The following WWOX variants were observed in gnomAD, a reference collection of about 807,000 sequenced individuals.
WWOX encodes WW domain containing oxidoreductase, also known as WW domain-containing oxidoreductase.
A neutral mutation model predicts 46.2 loss-of-function variants in WWOX; 69 were observed. That is an observed-to-expected ratio of 1.49 (90% CI 1.23 to 1.82). The LOEUF (loss-of-function observed/expected upper bound fraction) is 1.82, where lower values mean the gene tolerates loss of function less well. Among genes scored for constraint, WWOX ranks in the 40% most tolerant of loss-of-function variants. The pLI, the probability that WWOX is intolerant of heterozygous loss-of-function variation, is 0.00. For synonymous variants in WWOX, 359 were observed against 202.6 expected, an observed-to-expected ratio of 1.77 and a Z score of -6.56; for missense variants, 919 against 542.6, an observed-to-expected ratio of 1.69 and a Z score of -6.89.
intron 8 of WWOX, among the ~76,000 whole-genome samples, chr16:79,161,845 T>C (rs1293508616): frequency 1.3e-5 from 2 of 152,174 alleles, no homozygotes; most frequent in Non-Finnish European, 2.9e-5. Context: ...AAGAAATGCT[T>C]TTTCTGTCAC....
intron 5 of WWOX, among the ~76,000 whole-genome samples, chr16:78,195,863 T>A (rs988582058): frequency 2.0e-5 from 3 of 150,140 alleles, no homozygotes; most frequent in African/African-American, 7.3e-5. Flanking sequence ...ATTGAACATG[T>A]GGAATATGAG....
chr16:78,357,434 T>A (rs1567521688), intron 5 of WWOX, among the ~76,000 whole-genome samples: 1 of 152,232 alleles, frequency 6.6e-6, no homozygotes, highest in Non-Finnish European at 1.5e-5. Context: ...TTTTGGTTCA[T>A]TCAATCAATG....
intron 8 of WWOX, among the ~76,000 whole-genome samples, chr16:78,575,829 C>T (rs571519025): frequency 3.9e-5 from 6 of 152,006 alleles, no homozygotes; most frequent in East Asian, 1.9e-4. Flanking sequence ...ATGGAAAATG[C>T]CTAGATAAAT....
At chr16:79,181,817 G>A (rs906009352) in intron 8 of WWOX, among the ~76,000 whole-genome samples, 1 of 152,140 alleles carries the variant, frequency 6.6e-6, no homozygotes, top group African/African-American at 2.4e-5. Flanking sequence ...TGCAGGTTTA[G>A]GCTGCATGTT....
chr16:78,363,288 T>G (rs1300023699), intron 5 of WWOX, among the ~76,000 whole-genome samples: 1 of 151,892 alleles, frequency 6.6e-6, no homozygotes, highest in Non-Finnish European at 1.5e-5. Flanking sequence ...GAGGGCTTTT[T>G]TTTTTGACGG....
chr16:78,388,829 C>T (rs930234374), intron 6 of WWOX, among the ~76,000 whole-genome samples: 2 of 149,658 alleles, frequency 1.3e-5, no homozygotes, highest in African/African-American at 4.9e-5. Flanking sequence ...ATTAACTGGG[C>T]GGGGAGGCAC....
At chr16:78,475,659 G>A (rs2084333396) in intron 8 of WWOX, among the ~76,000 whole-genome samples, 1 of 152,144 alleles carries the variant, frequency 6.6e-6, no homozygotes, top group East Asian at 1.9e-4. Context: ...GCAGTGACAT[G>A]ATCTCGGCTC....
rs550789514 is a variant in WWOX, at chr16:78,653,874, G to T, written c.1056+221122G>T. Among the ~76,000 whole-genome samples the T allele has an allele frequency of 2.0e-5, 3 of 152,304 alleles. No individual in the cohort carries two copies. The East Asian group carries it at 5.8e-4, about 29-fold the overall frequency. On this transcript the variant is annotated intron_variant, in intron 8 of 8. Coordinates refer to ENST00000566780, the MANE Select transcript of WWOX (RefSeq NM_016373.4). ...ATATTTTGAGTTGGGTTTGAATCAC[G>T]TTGTCTATTACATGCAGCAGGACAC...
At position 78,943,341 on chromosome 16, in the gene WWOX, G is replaced by A. The variant is rs184251594; in HGVS notation, c.1057-268267G>A. Among the ~76,000 whole-genome samples, 59 of 152,210 alleles carry A rather than the reference G, an allele frequency of 3.9e-4. 1 individual carries two copies. Among genetic ancestry groups the A allele is most frequent in the African/African-American group, 1.3e-3 (53 of 41,544 alleles). On this transcript the variant is annotated intron_variant, in intron 8 of 8. Coordinates refer to ENST00000566780, the MANE Select transcript of WWOX (RefSeq NM_016373.4). ...AGCAACCCGAGATCCAAACCCTTTG[G>A]CATTCAAGATTACACTCTTATTCAC...
At chr16:78,548,833 G>C (rs962994051) in intron 8 of WWOX, among the ~76,000 whole-genome samples, 1 of 152,092 alleles carries the variant, frequency 6.6e-6, no homozygotes, top group East Asian at 1.9e-4. Context: ...GCTGCAGCCC[G>C]TTAACTGGTC....
chr16:78,543,090 C>T (rs535293452), intron 8 of WWOX, among the ~76,000 whole-genome samples: 54 of 152,346 alleles, frequency 3.5e-4, no homozygotes, highest in Admixed American at 2.9e-3. Context: ...ATTTCTTGCT[C>T]ATACGACATG....
intron 8 of WWOX, among the ~76,000 whole-genome samples, chr16:78,467,665 G>C (rs568939228): frequency 2.6e-5 from 4 of 152,190 alleles, no homozygotes; most frequent in Non-Finnish European, 5.9e-5. Context: ...AGAGTAGAAA[G>C]AGATAAAGCT....
intron 5 of WWOX, among the ~76,000 whole-genome samples, chr16:78,166,251 T>C (rs752145339): frequency 1.3e-5 from 2 of 152,182 alleles, no homozygotes; most frequent in Non-Finnish European, 2.9e-5. Flanking sequence ...CTGTATAATA[T>C]TCCATCATGT....
At chr16:78,841,381 C>G (rs946218036) in intron 8 of WWOX, among the ~76,000 whole-genome samples, 5 of 152,170 alleles carry the variant, frequency 3.3e-5, no homozygotes, top group Admixed American at 6.5e-5. Flanking sequence ...TAGCGAGCAG[C>G]TCATGAGAGC....
chr16:79,210,457 C>G (rs564825286), intron 8 of WWOX, among the ~76,000 whole-genome samples: 64 of 152,256 alleles, frequency 4.2e-4, no homozygotes, highest in African/African-American at 1.5e-3. Flanking sequence ...AAATGATAAG[C>G]TTTGGGTCGG....
intron 8 of WWOX, among the ~76,000 whole-genome samples, chr16:78,758,888 C>T (rs1373300516): frequency 1.3e-5 from 2 of 150,490 alleles, no homozygotes; most frequent in African/African-American, 2.4e-5. Flanking sequence ...AGAGAATCTT[C>T]TTCCCAAGCC....
At chr16:78,981,968 A>C (rs56736386) in intron 8 of WWOX, 3,167 of 152,262 alleles carry the variant, frequency 0.021, 96 homozygotes, top group South Asian at 0.078. Flanking sequence ...CCCTCCCAGA[A>C]CATTGAAGGC....
intron 8 of WWOX, among the ~76,000 whole-genome samples, chr16:78,646,799 A>C (rs148037516): frequency 1.1e-4 from 17 of 152,308 alleles, no homozygotes; most frequent in African/African-American, 4.1e-4. Flanking sequence ...CTCTGAAGTC[A>C]GGGACCATGC....
At chr16:78,120,366 C>A (rs556098146) in intron 4 of WWOX, among the ~76,000 whole-genome samples, 1 of 151,828 alleles carries the variant, frequency 6.6e-6, no homozygotes, top group Non-Finnish European at 1.5e-5. Context: ...GTCAGGAGAT[C>A]GAGACCATCC....
Sources: allele counts gnomAD v4.1 joint callset (sites outside exome capture counted in the v4.1 genomes callset), GRCh38; gene constraint gnomAD v4.1.1; transcripts MANE v1.5; gene names NCBI Gene and HGNC (gene_info 2026-07-23, HGNC 2026-07-21).